ALK: variants seen among roughly 807,000 people sequenced by gnomAD.
The protein encoded by ALK is ALK receptor tyrosine kinase.
ALK carries 74 observed loss-of-function variants against 163.1 expected under a neutral mutation model. That is an observed-to-expected ratio of 0.45 (90% CI 0.38 to 0.55). The LOEUF (loss-of-function observed/expected upper bound fraction) is 0.55. Among genes scored for constraint, ALK ranks in the 20% least tolerant of loss-of-function variants. The pLI is 0.00. For missense variants in ALK, 2,063 were observed against 2,105.3 expected (o/e 0.98, Z 0.39); for synonymous variants, 960 against 843.2 (o/e 1.14, Z -2.40).
At chr2:29,270,351 C>T (rs1271738085) in intron 11 of ALK, among the ~76,000 whole-genome samples, 1 of 152,204 alleles carries the variant, frequency 6.6e-6, no homozygotes, top group East Asian at 1.9e-4. Context: ...AAGGGGGATA[C>T]TATGATAGCA....
rs70958274 is a variant in ALK, at chr2:29,637,709, CAAAAA to C, written c.952+57136_952+57140del. 2.7e-5 allele frequency among the ~76,000 whole-genome samples: 3 copies of C among 112,404 alleles called. No individual in the cohort carries two copies. The Admixed American group carries it at 2.7e-4, about 10-fold the overall frequency. 73.7% of individuals were successfully genotyped at this position (112,404 alleles called of 152,430 possible). On this transcript the variant is annotated intron_variant, in intron 3 of 28. Coordinates refer to ENST00000389048, the MANE Select transcript of ALK (RefSeq NM_004304.5). ...GGGTGACAGAGCAAGACTCCGTCTC[CAAAAA>C]AAAAAAAAGAGGACTCTTTGTGGTG...
chr2:29,320,498 G>A (rs1666996603), intron 7 of ALK, among the ~76,000 whole-genome samples: 1 of 152,158 alleles, frequency 6.6e-6, no homozygotes, highest in Non-Finnish European at 1.5e-5. Context: ...TATCGTTGTT[G>A]CTATTATCTT....
intron 3 of ALK, among the ~76,000 whole-genome samples, chr2:29,549,459 C>T (rs1283166779): frequency 6.6e-6 from 1 of 152,164 alleles, no homozygotes; most frequent in Non-Finnish European, 1.5e-5. Context: ...ATGCTATCCC[C>T]AGTTGTAGTT....
At chr2:29,205,020 C>T (rs906736300) in intron 26 of ALK, among the ~76,000 whole-genome samples, 4 of 152,188 alleles carry the variant, frequency 2.6e-5, no homozygotes, top group African/African-American at 9.7e-5. Context: ...AGTGAGAACA[C>T]GCAGCCCACA....
intron 24 of ALK, among the ~76,000 whole-genome samples, chr2:29,211,083 G>T (rs1395018413): frequency 6.6e-6 from 1 of 152,170 alleles, no homozygotes; most frequent in Non-Finnish European, 1.5e-5. Context: ...GGTTGAGAAA[G>T]GACTTAGAGA....
intron 4 of ALK, among the ~76,000 whole-genome samples, chr2:29,501,530 T>C (rs1486011962): frequency 6.6e-6 from 1 of 152,194 alleles, no homozygotes; most frequent in Non-Finnish European, 1.5e-5. Flanking sequence ...GGGGTGTCCT[T>C]AGCACTGCTT....
At chr2:29,817,295 G>A (rs977088538) in intron 1 of ALK, among the ~76,000 whole-genome samples, 4 of 152,186 alleles carry the variant, frequency 2.6e-5, no homozygotes, top group African/African-American at 9.7e-5. Context: ...GTGACAACTG[G>A]ATAGGTCAGC....
intron 1 of ALK, among the ~76,000 whole-genome samples, chr2:29,852,690 C>T (rs1441354307): frequency 2.0e-5 from 3 of 152,048 alleles, no homozygotes; most frequent in Non-Finnish European, 2.9e-5. Flanking sequence ...GTTTGTGTAC[C>T]CCCAAAATTT....
chr2:29,221,304 C>CTT, intron 22 of ALK: 1 of 491,338 alleles, frequency 2.0e-6, no homozygotes, highest in Non-Finnish European at 4.1e-6. Context: ...CCTCACGAGT[C>CTT]TATCAGTTTC....
chr2:29,787,123 G>T (rs1051614864), intron 1 of ALK, among the ~76,000 whole-genome samples: 1 of 152,148 alleles, frequency 6.6e-6, no homozygotes, highest in Non-Finnish European at 1.5e-5. Context: ...AAAGGGAATG[G>T]AAGCCCCCTC....
chr2:29,571,719 C>T lies in ALK; in HGVS notation c.953-39603G>A, dbSNP rs184109737. Reference sequence around the variant, plus strand: ...GCAACCTCCGTCTCCTGGGTTCAAGCGATTCTTCTGCCTCAGCCTCCTGAG... The same window carrying T: ...GCAACCTCCGTCTCCTGGGTTCAAGTGATTCTTCTGCCTCAGCCTCCTGAG... On this transcript the variant is annotated intron_variant, in intron 3 of 28. Coordinates refer to ENST00000389048, the MANE Select transcript of ALK (RefSeq NM_004304.5). 5.5e-5 allele frequency among the ~76,000 whole-genome samples: 8 copies of T among 145,708 alleles called. No homozygotes were observed. In the East Asian group the frequency reaches 8.3e-4, roughly 15 times the overall value.
chr2:29,687,303 TG>T (rs990261458), intron 3 of ALK, among the ~76,000 whole-genome samples: 15 of 151,196 alleles, frequency 9.9e-5, no homozygotes, highest in African/African-American at 3.4e-4. Context: ...AGGTAGGGGG[TG>T]GGGTGCTCTG....
At chr2:29,793,123 T>C (rs1193488062) in intron 1 of ALK, among the ~76,000 whole-genome samples, 1 of 152,210 alleles carries the variant, frequency 6.6e-6, no homozygotes, top group Non-Finnish European at 1.5e-5. Flanking sequence ...TTAAACCCTT[T>C]GCTGCCATTT....
At chr2:29,205,957 G>GA (rs67361333) in intron 26 of ALK, among the ~76,000 whole-genome samples, 3,380 of 152,200 alleles carry the variant, frequency 0.022, 129 homozygotes, top group African/African-American at 0.077. Flanking sequence ...GAAATTCTCT[G>GA]ATGATCTGCC....
chr2:29,402,356 G>A (rs537110763), intron 4 of ALK, among the ~76,000 whole-genome samples: 1 of 152,354 alleles, frequency 6.6e-6, no homozygotes, highest in South Asian at 2.1e-4. Flanking sequence ...GTGAGCAGAT[G>A]CTTGTGCATA....
chr2:29,760,670 G>T (rs1001762699), intron 1 of ALK, among the ~76,000 whole-genome samples: 1 of 152,188 alleles, frequency 6.6e-6, no homozygotes, highest in African/African-American at 2.4e-5. Flanking sequence ...TGTCTGACTG[G>T]CAGGGTCTTT....
chr2:29,345,562 G>A (rs1406950198), intron 5 of ALK, among the ~76,000 whole-genome samples: 1 of 151,970 alleles, frequency 6.6e-6, no homozygotes, highest in Non-Finnish European at 1.5e-5. Context: ...TTGGCAGTAT[G>A]TTTTAAGAAC....
At chr2:29,245,448 C>T (rs1239264275) in intron 12 of ALK, among the ~76,000 whole-genome samples, 2 of 139,962 alleles carry the variant, frequency 1.4e-5, no homozygotes, top group Admixed American at 7.2e-5. Flanking sequence ...GTGCCCTGCA[C>T]GTAGTAGGGG....
chr2:29,234,808 G>C (rs1178207617), intron 13 of ALK, among the ~76,000 whole-genome samples: 1 of 152,192 alleles, frequency 6.6e-6, no homozygotes, highest in African/African-American at 2.4e-5. Flanking sequence ...GCAATGGCAC[G>C]ACCTTGGCCC....
Sources: gnomAD v4.1 joint callset for allele counts (sites outside exome capture counted in the v4.1 genomes callset) on GRCh38, gnomAD v4.1.1 for gene constraint, MANE v1.5 for transcripts, NCBI Gene and HGNC (gene_info 2026-07-23, HGNC 2026-07-21) for gene names.